The following CLDN1 variants were observed in gnomAD, a reference collection of about 807,000 sequenced individuals.
CLDN1 encodes claudin 1.
A neutral mutation model predicts 22.6 loss-of-function variants in CLDN1; 12 were observed. The ratio of observed to expected loss-of-function variants is 0.53; its 90% confidence interval spans 0.34 to 0.86. CLDN1 has a LOEUF of 0.86. CLDN1 is among the 40% of genes least tolerant of loss of function. The pLI, the probability that CLDN1 is intolerant of heterozygous loss-of-function variation, is 0.02. For missense variants in CLDN1, 250 were observed against 269.5 expected (o/e 0.93, Z 0.51); for synonymous variants, 99 against 103.8 (o/e 0.95, Z 0.28).
At chr3:190,315,834 G>A (rs1359491917) in intron 1 of CLDN1, among the ~76,000 whole-genome samples, 3 of 152,100 alleles carry the variant, frequency 2.0e-5, no homozygotes, top group Non-Finnish European at 4.4e-5. Context: ...GTCTTCAAGA[G>A]AAGTCTAACT....
chr3:190,314,329 A>T, intron 1 of CLDN1, among the ~76,000 whole-genome samples: 1 of 152,190 alleles, frequency 6.6e-6, no homozygotes, highest in South Asian at 2.1e-4. Context: ...ACTTCATTAA[A>T]TCTTGATTTA....
intron 1 of CLDN1, among the ~76,000 whole-genome samples, chr3:190,318,586 T>C (rs1716831595): frequency 6.6e-6 from 1 of 152,218 alleles, no homozygotes; most frequent in African/African-American, 2.4e-5. Flanking sequence ...TGGCTCACCA[T>C]TATACACTTG....
chr3:190,317,339 T>C (rs1172082747), intron 1 of CLDN1, among the ~76,000 whole-genome samples: 1 of 152,202 alleles, frequency 6.6e-6, no homozygotes, highest in African/African-American at 2.4e-5. Flanking sequence ...TTAATTATAT[T>C]TAGCTAGACT....
At position 190,307,490 on chromosome 3, in the gene CLDN1, G is replaced by GTT. The variant is rs1716487545; in HGVS notation, c.*786_*787insAA. 1 of 152,196 alleles carries GTT rather than the reference G, an allele frequency of 6.6e-6. No homozygotes were observed. Among genetic ancestry groups the GTT allele is most frequent in the Admixed American group, 6.6e-5 (1 of 15,258 alleles). The allele number at this position is 152,196 out of a possible 1,614,324, so 9.4% of individuals were successfully genotyped here. A position where few individuals can be genotyped will look rare whatever the true frequency, so the allele number is the denominator to read the frequency against. ...GGGTCAGAGTACAGGGATTGTGTGG[G>GTT]AAGGTCAACAGGAATTTATCACTTT... On this transcript the variant is annotated 3_prime_UTR_variant, in exon 4 of 4. Transcript: ENST00000295522.
intron 3 of CLDN1, among the ~76,000 whole-genome samples, chr3:190,309,415 T>C (rs546872742): frequency 1.8e-4 from 27 of 152,280 alleles, no homozygotes; most frequent in African/African-American, 6.5e-4. Context: ...AAGAAACACA[T>C]CTTATCTCTC....
intron 1 of CLDN1, among the ~76,000 whole-genome samples, chr3:190,319,575 C>G (rs2162041): frequency 0.99 from 151,342 of 152,312 alleles, 75,192 homozygotes; most frequent in Middle Eastern, 1. Flanking sequence ...AGGGAAACAA[C>G]AGATTTTAAT....
At chr3:190,310,309 A>G in intron 2 of CLDN1, 56 bp from the exon 3 acceptor site, 1 of 1,372,366 alleles carries the variant, frequency 7.3e-7, no homozygotes, top group Non-Finnish European at 1.0e-6. Flanking sequence ...GAGCCTAAAT[A>G]CACAACCTGT....
intron 1 of CLDN1, among the ~76,000 whole-genome samples, chr3:190,316,700 A>G (rs1244990842): frequency 6.6e-6 from 1 of 152,218 alleles, no homozygotes; most frequent in Non-Finnish European, 1.5e-5. Context: ...TAAAGCACCA[A>G]GCACAGTACT....
At position 190,308,372 on chromosome 3, in the gene CLDN1, G is replaced by A. The variant is rs1277439546; in HGVS notation, c.541C>T (p.Leu181=). ...TTTCGGGGACAGGAACAGCAAAGTA[G>A]GGCACCTCCCAGAAGGCAGAGAGAA... ...AASLCLLGGA[L]LCCSCPRKTT... Residue 181 remains leucine (L), a synonymous_variant, in exon 4 of 4, where the codon CTA becomes TTA. Coordinates refer to ENST00000295522, the MANE Select transcript of CLDN1 (RefSeq NM_021101.5). The A allele has an allele frequency of 6.2e-7, 1 of 1,613,810 alleles. No individual in the cohort carries two copies. Among genetic ancestry groups the A allele is most frequent in the Admixed American group, 1.7e-5 (1 of 59,964 alleles).
chr3:190,305,801 G>C lies in CLDN1; in HGVS notation c.*2476C>G, dbSNP rs1211717512. 2 of 152,136 alleles carry C rather than the reference G, an allele frequency of 1.3e-5. No individual in the cohort carries two copies. Among genetic ancestry groups the C allele is most frequent in the African/African-American group, 4.8e-5 (2 of 41,434 alleles). 9.4% of individuals were successfully genotyped at this position (152,136 alleles called of 1,614,324 possible). Reference sequence around the variant, plus strand: ...CAAAATGTCTATTGGTCTGTTTCCAGGTGTGGTAGAAGAATATAAAAAGAT... The same window carrying C: ...CAAAATGTCTATTGGTCTGTTTCCACGTGTGGTAGAAGAATATAAAAAGAT... On this transcript the variant is annotated 3_prime_UTR_variant, in exon 4 of 4. Transcript: ENST00000295522.
Position 190,312,976 on chromosome 3 carries a change from A to G in CLDN1, c.284T>C (p.Ile95Thr). 6.2e-7 allele frequency: 1 copy of G among 1,614,158 alleles called. No individual in the cohort carries two copies. Among genetic ancestry groups the G allele is most frequent in the East Asian group, 2.2e-5 (1 of 44,880 alleles). ...CTTCATGCCAACGGTGGCCACAAAG[A>G]TTGCTATCACTCCCAGGAGGATGCC... ...VVGILLGVIA[I>T]FVATVGMKCM... The change falls in exon 2 of 4, where the codon ATC becomes ACC. Residue 95 changes from isoleucine to threonine, a missense_variant. Ile to Thr is a moderately conservative substitution (Grantham distance 89). Transcript: ENST00000295522.
At chr3:190,309,623 G>A (rs1329057853) in intron 3 of CLDN1, among the ~76,000 whole-genome samples, 1 of 152,174 alleles carries the variant, frequency 6.6e-6, no homozygotes, top group Non-Finnish European at 1.5e-5. Context: ...TATTAAGAAA[G>A]ATGACCTTTG....
chr3:190,312,601 A>G (rs145922981), intron 2 of CLDN1, among the ~76,000 whole-genome samples: 10 of 152,330 alleles, frequency 6.6e-5, no homozygotes, highest in South Asian at 2.1e-4. Context: ...GCGTTTGCTA[A>G]ATAGTGAACA....
At position 190,311,961 on chromosome 3, in the gene CLDN1, C is replaced by CTT. The variant is rs11408416; in HGVS notation, c.388+909_388+910dup. Reference sequence around the variant, plus strand: ...AGATATTTCTTTTCTTTTCTTTTTTCTTTTTTTTTTAGACAGTCTTCTGTT... The same window carrying CTT: ...AGATATTTCTTTTCTTTTCTTTTTTCTTTTTTTTTTTTAGACAGTCTTCTGTT... On this transcript the variant is annotated intron_variant, in intron 2 of 3. Coordinates refer to ENST00000295522, the MANE Select transcript of CLDN1 (RefSeq NM_021101.5). Among the ~76,000 whole-genome samples the CTT allele has an allele frequency of 7.7e-4, 114 of 148,184 alleles. 1 individual carries two copies. The highest frequency in any genetic ancestry group is 4.0e-3 in the South Asian group (19 of 4,724).
intron 3 of CLDN1, 150 bp from the exon 4 acceptor site, chr3:190,308,589 A>G (rs1213755386): frequency 6.6e-6 from 5 of 760,424 alleles, no homozygotes; most frequent in Non-Finnish European, 1.1e-5. Flanking sequence ...AGATTTCTGA[A>G]CATACACGCC....
rs553451964 is a variant in CLDN1 at position 190,306,942 on chromosome 3, T to G, written c.*1335A>C. 7.2e-5 allele frequency: 11 copies of G among 152,710 alleles called. No homozygotes were observed. The South Asian group carries it at 2.3e-3, about 32-fold the overall frequency. The allele number at this position is 152,710 out of a possible 1,614,324, so 9.5% of individuals were successfully genotyped here. The stretch of plus-strand genomic sequence containing the variant: ...GTTTTGTTCAGTGGAAATAGACTGG[T>G]AGAGAGAGGAAGGCAGTGAATCACA... On this transcript the variant is annotated 3_prime_UTR_variant, in exon 4 of 4. Transcript: ENST00000295522.
At chr3:190,310,755 A>G (rs1172590918) in intron 2 of CLDN1, among the ~76,000 whole-genome samples, 1 of 152,146 alleles carries the variant, frequency 6.6e-6, no homozygotes, top group African/African-American at 2.4e-5. Context: ...AATGGACCAG[A>G]ATACCTGCAT....
At chr3:190,318,544 TG>T (rs1716830601) in intron 1 of CLDN1, among the ~76,000 whole-genome samples, 2 of 152,108 alleles carry the variant, frequency 1.3e-5, no homozygotes. Context: ...ATTTTATAAG[TG>T]GGGTAACTAC....
In CLDN1 at chr3:190,322,239, TG is replaced by T; in HGVS notation, c.-34del. ...TCGGGCGCCCGCGCTGGCTCAGGGG[TG>T]GCAGGTGCAGAAGGCGGAGAGTTTG... On this transcript the variant is annotated 5_prime_UTR_variant, in exon 1 of 4. Coordinates refer to ENST00000295522, the MANE Select transcript of CLDN1 (RefSeq NM_021101.5). 1 of 1,598,384 alleles carries T rather than the reference TG, an allele frequency of 6.3e-7. No individual in the cohort carries two copies. The highest frequency in any genetic ancestry group is 8.6e-7 in the Non-Finnish European group (1 of 1,168,218).
Sources: allele counts gnomAD v4.1 joint callset (sites outside exome capture counted in the v4.1 genomes callset), GRCh38; gene constraint gnomAD v4.1.1; transcripts MANE v1.5; gene names NCBI Gene and HGNC (gene_info 2026-07-23, HGNC 2026-07-21).